EYS: variants seen among roughly 807,000 people sequenced by gnomAD.
EYS encodes protein eyes shut homolog.
In EYS, 250 loss-of-function variants were observed where a neutral mutation model predicts 282.1. The observed-to-expected ratio is 0.89, with a 90% CI of 0.80 to 0.98. The LOEUF (loss-of-function observed/expected upper bound fraction) is 0.98, where lower values mean the gene tolerates loss of function less well. Ranked by LOEUF, EYS falls within the 50% of genes least tolerant of loss-of-function variation. EYS has a pLI of 0.00. For missense variants in EYS, 4,016 were observed against 3,709.0 expected, an observed-to-expected ratio of 1.08 and a Z score of -2.15; for synonymous variants, 1,355 against 1,282.9, an observed-to-expected ratio of 1.06 and a Z score of -1.20.
chr6:63,913,086 G>T (rs1764315077), intron 35 of EYS, among the ~76,000 whole-genome samples: 1 of 152,088 alleles, frequency 6.6e-6, no homozygotes, highest in Non-Finnish European at 1.5e-5. Context: ...TTGACAACTT[G>T]CCAGATAGCT....
At chr6:64,560,010 G>A (rs1449044459) in intron 26 of EYS, among the ~76,000 whole-genome samples, 7 of 152,062 alleles carry the variant, frequency 4.6e-5, no homozygotes, top group African/African-American at 7.2e-5. Flanking sequence ...GAACATTCAC[G>A]TACCACTCAT....
In EYS at chr6:64,109,746, A is replaced by T. The variant is rs573723020; in HGVS notation, c.6425-27744T>A. Among the ~76,000 whole-genome samples, 36 of 152,246 alleles carry T rather than the reference A, an allele frequency of 2.4e-4. 1 individual carries two copies. The highest frequency in any genetic ancestry group is 2.1e-3 in the Admixed American group (32 of 15,262). On this transcript the variant is annotated intron_variant, in intron 31 of 42. Coordinates refer to ENST00000503581, the MANE Select transcript of EYS (RefSeq NM_001142800.2). ...TACATTAGAAAGTCCATGAATTGCT[A>T]CCACTTACATGCCTGGTCTTTTTAT...
intron 26 of EYS, among the ~76,000 whole-genome samples, chr6:64,439,712 ATAATT>A (rs1774871620): frequency 6.6e-6 from 1 of 151,858 alleles, no homozygotes; most frequent in South Asian, 2.1e-4. Context: ...AATATTGTTA[ATAATT>A]TAATTTGGGA....
intron 36 of EYS, among the ~76,000 whole-genome samples, chr6:63,855,597 C>T (rs1257854674): frequency 6.6e-6 from 1 of 152,116 alleles, no homozygotes; most frequent in Non-Finnish European, 1.5e-5. Flanking sequence ...CAGAACCTAC[C>T]ATGTGTCAGA....
chr6:63,946,946 C>A (rs758348680), intron 35 of EYS, among the ~76,000 whole-genome samples: 1 of 150,758 alleles, frequency 6.6e-6, no homozygotes, highest in Admixed American at 6.6e-5. Flanking sequence ...TCATATACCC[C>A]ATAAATATAT....
chr6:64,107,285 T>TTTATA (rs1275963690), intron 31 of EYS, among the ~76,000 whole-genome samples: 1 of 101,502 alleles, frequency 9.9e-6, no homozygotes, highest in Non-Finnish European at 2.0e-5. Context: ...ATATATATAT[T>TTTATA]TATATATATA....
intron 26 of EYS, among the ~76,000 whole-genome samples, chr6:64,477,310 G>C (rs907117731): frequency 6.6e-6 from 1 of 152,080 alleles, no homozygotes; most frequent in Non-Finnish European, 1.5e-5. Context: ...TAAGCTACTT[G>C]AGCATAGGGA....
intron 14 of EYS, among the ~76,000 whole-genome samples, chr6:64,990,457 G>A (rs1353346615): frequency 6.6e-6 from 1 of 151,584 alleles, no homozygotes; most frequent in Non-Finnish European, 1.5e-5. Context: ...AATAATAACG[G>A]TAAAGTGCAG....
rs1261406239 is a variant in EYS, at chr6:64,326,697, CT to C, written c.6079-19616del. On this transcript the variant is annotated intron_variant, in intron 29 of 42. Coordinates refer to ENST00000503581, the MANE Select transcript of EYS (RefSeq NM_001142800.2). ...GACTACAGCTCCAGGATGTGGGAGA[CT>C]TGGGGTCCTTGGCACTGCCAGGAGA... is the stretch of plus-strand genomic sequence containing the variant. Among the ~76,000 whole-genome samples the C allele has an allele frequency of 2.6e-5, 4 of 152,236 alleles. No individual in the cohort carries two copies. The East Asian group carries it at 7.8e-4, about 30-fold the overall frequency.
intron 12 of EYS, among the ~76,000 whole-genome samples, chr6:65,209,449 T>C (rs1385159465): frequency 6.6e-6 from 1 of 151,860 alleles, no homozygotes; most frequent in Non-Finnish European, 1.5e-5. Flanking sequence ...GATCCCCCAC[T>C]TAATATAGAG....
At chr6:63,760,646 GTATATCTATCTA>G in intron 41 of EYS, among the ~76,000 whole-genome samples, 1 of 128,192 alleles carries the variant, frequency 7.8e-6, no homozygotes, top group Non-Finnish European at 1.7e-5. Flanking sequence ...ATGTATGTAT[GTATATCTATCTA>G]TCTATCTATC....
chr6:63,729,196 A>G (rs543329565), intron 41 of EYS, among the ~76,000 whole-genome samples: 1 of 152,256 alleles, frequency 6.6e-6, no homozygotes, highest in East Asian at 1.9e-4. Flanking sequence ...AATTTTAAGA[A>G]TTCCTTGTTT....
chr6:64,657,215 TC>T (rs1768782079), intron 22 of EYS, among the ~76,000 whole-genome samples: 1 of 152,152 alleles, frequency 6.6e-6, no homozygotes, highest in South Asian at 2.1e-4. Context: ...TGGTAGATCT[TC>T]CTCCATCCCT....
intron 33 of EYS, among the ~76,000 whole-genome samples, chr6:64,009,086 T>C (rs1341616166): frequency 6.6e-6 from 1 of 152,188 alleles, no homozygotes; most frequent in Non-Finnish European, 1.5e-5. Flanking sequence ...TCTCTCCTGC[T>C]CTTTCAGGGA....
At chr6:65,059,679 G>A (rs967294051) in intron 12 of EYS, among the ~76,000 whole-genome samples, 2 of 152,062 alleles carry the variant, frequency 1.3e-5, no homozygotes, top group Non-Finnish European at 2.9e-5. Flanking sequence ...AAAATGAAGG[G>A]GAGGAACTTC....
chr6:64,321,781 A>T (rs1770227214), intron 29 of EYS, among the ~76,000 whole-genome samples: 1 of 151,862 alleles, frequency 6.6e-6, no homozygotes, highest in African/African-American at 2.4e-5. Context: ...AAAAAATTGG[A>T]TGGTAATTAT....
chr6:64,519,855 G>C (rs1777676592), intron 26 of EYS, among the ~76,000 whole-genome samples: 1 of 151,808 alleles, frequency 6.6e-6, no homozygotes, highest in Non-Finnish European at 1.5e-5. Flanking sequence ...TGTGTTTCCT[G>C]TATCTGTTGG....
chr6:64,334,285 A>C (rs1770758702), intron 29 of EYS, among the ~76,000 whole-genome samples: 1 of 152,138 alleles, frequency 6.6e-6, no homozygotes, highest in African/African-American at 2.4e-5. Context: ...TGATAAATGG[A>C]CAGGGGCATG....
intron 2 of EYS, among the ~76,000 whole-genome samples, chr6:65,507,918 G>A (rs1373007601): frequency 2.0e-5 from 3 of 151,964 alleles, no homozygotes; most frequent in South Asian, 2.1e-4. Context: ...CAACATCCTC[G>A]TGATGTATGA....
Sources: allele counts gnomAD v4.1 joint callset (sites outside exome capture counted in the v4.1 genomes callset), GRCh38; gene constraint gnomAD v4.1.1; transcripts MANE v1.5; gene names NCBI Gene and HGNC (gene_info 2026-07-23, HGNC 2026-07-21).